Variants in GPD2 observed in about 807,000 individuals in gnomAD.
The protein encoded by GPD2 is glycerol-3-phosphate dehydrogenase 2, also known as glycerol-3-phosphate dehydrogenase, mitochondrial.
Under a neutral mutation model 82.4 loss-of-function variants are expected in GPD2, and 54 were observed. The observed-to-expected ratio is 0.66, with a 90% confidence interval of 0.53 to 0.82. GPD2 has a LOEUF of 0.82. Ranked by LOEUF, GPD2 falls within the 40% of genes least tolerant of loss-of-function variation. The pLI, the probability that GPD2 is intolerant of heterozygous loss-of-function variation, is 0.00. For synonymous variants in GPD2, 288 were observed against 306.1 expected, an observed-to-expected ratio of 0.94 and a Z score of 0.62; for missense variants, 748 against 896.2, an observed-to-expected ratio of 0.83 and a Z score of 2.11.
At chr2:156,561,290 C>T (rs188023324) in intron 9 of GPD2, among the ~76,000 whole-genome samples, 17 of 152,104 alleles carry the variant, frequency 1.1e-4, no homozygotes, top group Non-Finnish European at 1.8e-4. Context: ...TCGTGATCCA[C>T]CCGCCTTGGC....
intron 2 of GPD2, among the ~76,000 whole-genome samples, chr2:156,479,828 A>G (rs960981353): frequency 8.6e-5 from 13 of 151,524 alleles, no homozygotes; most frequent in African/African-American, 2.9e-4. Flanking sequence ...CCTTTTCTTT[A>G]TTTTCCACCC....
At chr2:156,505,314 C>T (rs1014594716) in intron 3 of GPD2, among the ~76,000 whole-genome samples, 11 of 152,076 alleles carry the variant, frequency 7.2e-5, no homozygotes, top group Admixed American at 2.0e-4. Flanking sequence ...TTCTTCTACT[C>T]TAACTAATCT....
At chr2:156,449,786 GA>G (rs1682488043) in intron 1 of GPD2, among the ~76,000 whole-genome samples, 1 of 147,664 alleles carries the variant, frequency 6.8e-6, no homozygotes, top group African/African-American at 2.5e-5. Flanking sequence ...TGAGGCGGGT[GA>G]ATCACATGAG....
intron 3 of GPD2, among the ~76,000 whole-genome samples, chr2:156,507,867 CA>C (rs1026525644): frequency 1.1e-4 from 16 of 152,132 alleles, no homozygotes; most frequent in African/African-American, 3.9e-4. Flanking sequence ...TAAGCTAGGC[CA>C]CATGAAGCGT....
intron 6 of GPD2, among the ~76,000 whole-genome samples, chr2:156,523,051 C>T (rs191982130): frequency 4.9e-4 from 75 of 152,196 alleles, no homozygotes; most frequent in Admixed American, 2.0e-3. Context: ...TCCCTCACTG[C>T]AGTGAAGCAT....
chr2:156,481,525 T>G (rs1031388416), intron 2 of GPD2, among the ~76,000 whole-genome samples: 1 of 152,180 alleles, frequency 6.6e-6, no homozygotes, highest in Admixed American at 6.6e-5. Context: ...TCAATTTATT[T>G]TAGCTCCTAG....
At chr2:156,511,047 A>G in intron 4 of GPD2, 127 bp downstream of exon 4, 1 of 839,410 alleles carries the variant, frequency 1.2e-6, no homozygotes, top group South Asian at 1.4e-5. Context: ...TATTTAGTGT[A>G]TTCTGCTGGA....
intron 1 of GPD2, among the ~76,000 whole-genome samples, chr2:156,474,589 AT>A (rs1160129782): frequency 2.6e-5 from 4 of 152,160 alleles, no homozygotes; most frequent in African/African-American, 9.6e-5. Flanking sequence ...CAACTCTAGA[AT>A]TTTTTTTAGT....
intron 1 of GPD2, among the ~76,000 whole-genome samples, chr2:156,441,787 G>T (rs1351651354): frequency 1.3e-5 from 2 of 152,160 alleles, no homozygotes; most frequent in African/African-American, 2.4e-5. Flanking sequence ...GTTAGTGTCA[G>T]ATTGAGTTAA....
At position 156,476,203 on chromosome 2, in the gene GPD2, A is replaced by C; in HGVS notation, c.98A>C (p.Lys33Thr). Residue 33 changes from lysine to threonine, a missense_variant, in exon 2 of 17, where the codon AAA becomes ACA. Around this residue, in one of 3 missense-constraint regions of GPD2, gnomAD observed 692 missense variants for 809.7 expected, o/e 0.85. Coordinates refer to ENST00000438166, the MANE Select transcript of GPD2 (RefSeq NM_000408.5). ...TCTCAGTTTGCTCATTACAGAAGGAAACAAGTAAGTAACTGTACTTGTGTT... is the reference window on the plus strand; with the variant it reads ...TCTCAGTTTGCTCATTACAGAAGGACACAAGTAAGTAACTGTACTTGTGTT... ...GLSQFAHYRR[K>T]QMNLAYVKAA... is the part of the protein sequence containing the mutation. The C allele has an allele frequency of 2.0e-6, 3 of 1,527,800 alleles. No individual in the cohort carries two copies. The highest frequency in any genetic ancestry group is 2.7e-6 in the Non-Finnish European group (3 of 1,101,334). The allele number at this position is 1,527,800 out of a possible 1,614,324, so 94.6% of individuals were successfully genotyped here. A position where few individuals can be genotyped will look rare whatever the true frequency, so the allele number is the denominator to read the frequency against.
rs1173676234 is a variant in GPD2 at position 156,571,222 on chromosome 2, C to CAG, written c.1700_1701dup (p.Glu568ArgfsTer10). ...CTGGCCTTTCTAAATGTCCAGGCAG[C>CAG]AGAGGAAGCCCTACCCAGGATTGTT... On this transcript the variant is annotated frameshift_variant, in exon 13 of 17. Coordinates refer to ENST00000438166, the MANE Select transcript of GPD2 (RefSeq NM_000408.5). LOFTEE classifies it high-confidence loss of function. 1 of 1,611,848 alleles carries CAG rather than the reference C, an allele frequency of 6.2e-7. No individual in the cohort carries two copies. Among genetic ancestry groups the CAG allele is most frequent in the East Asian group, 2.2e-5 (1 of 44,864 alleles).
chr2:156,510,221 TTTC>T (rs1684946271), intron 3 of GPD2, among the ~76,000 whole-genome samples: 1 of 152,134 alleles, frequency 6.6e-6, no homozygotes, highest in Non-Finnish European at 1.5e-5. Context: ...ACTTATTCTC[TTTC>T]TTTCTTTCTT....
chr2:156,511,868 A>G (rs183424436), intron 4 of GPD2, among the ~76,000 whole-genome samples: 2 of 152,334 alleles, frequency 1.3e-5, no homozygotes, highest in Admixed American at 1.3e-4. Flanking sequence ...GAATTTGAAC[A>G]ATCTGTTATC....
intron 6 of GPD2, among the ~76,000 whole-genome samples, chr2:156,520,779 T>A (rs1368749945): frequency 6.6e-6 from 1 of 151,944 alleles, no homozygotes; most frequent in Non-Finnish European, 1.5e-5. Context: ...AGAGATGGGG[T>A]TTCACCATGT....
At chr2:156,464,794 T>C (rs567233947) in intron 1 of GPD2, among the ~76,000 whole-genome samples, 1 of 152,270 alleles carries the variant, frequency 6.6e-6, no homozygotes, top group Admixed American at 6.5e-5. Flanking sequence ...CCCAAATATA[T>C]TTCTAACGGC....
intron 13 of GPD2, 117 bp downstream of exon 13, chr2:156,571,409 C>T (rs2105367072): frequency 3.4e-6 from 2 of 589,218 alleles, no homozygotes; most frequent in African/African-American, 1.9e-5. Context: ...ACCAGTTTTT[C>T]TTTGTGTGTG....
chr2:156,489,243 CAGAT>C (rs949826155), intron 2 of GPD2, among the ~76,000 whole-genome samples: 9 of 152,194 alleles, frequency 5.9e-5, no homozygotes, highest in African/African-American at 2.2e-4. Context: ...AGATTTATCT[CAGAT>C]AGAAATTCTG....
At chr2:156,426,272 G>A in the GPD2 span, among the ~76,000 whole-genome samples, 1 of 152,214 alleles carries the variant, frequency 6.6e-6, no homozygotes, top group Admixed American at 6.5e-5. Flanking sequence ...TCACTGTTCA[G>A]CATGGCCAGG....
rs532475323 is a variant in GPD2 at position 156,550,687 on chromosome 2, C to A, written c.912C>A (p.Asp304Glu). 1 of 1,613,348 alleles carries A rather than the reference C, an allele frequency of 6.2e-7. No individual in the cohort carries two copies. The highest frequency in any genetic ancestry group is 1.1e-5 in the South Asian group (1 of 91,078). ...CTGTGCGCAAAATGGATGATAAAGA[C>A]GCAGCAGCTATCTGCCAGCCAAGTG... ...TDSVRKMDDK[D>E]AAAICQPSAG... The change falls in exon 8 of 17, where the codon GAC becomes GAA. Residue 304 changes from aspartate (D) to glutamate (E), a missense_variant. Asp to Glu is a conservative substitution (Grantham distance 45). Transcript: ENST00000438166.
Sources: allele counts gnomAD v4.1 joint callset (sites outside exome capture counted in the v4.1 genomes callset), GRCh38; gene constraint gnomAD v4.1.1; regional missense constraint gnomAD v4.1.1; transcripts MANE v1.5; gene names NCBI Gene and HGNC (gene_info 2026-07-23, HGNC 2026-07-21).